Variants in C12orf42 observed in about 807,000 individuals in gnomAD.
The protein encoded by C12orf42 is uncharacterized protein C12orf42.
Under a neutral mutation model 21.6 loss-of-function variants are expected in C12orf42, and 25 were observed. That is an observed-to-expected ratio of 1.16 (90% CI 0.84 to 1.62). C12orf42 has a LOEUF of 1.62. Among genes scored for constraint, C12orf42 ranks in the 40% most tolerant of loss-of-function variants. The probability of loss-of-function intolerance (pLI) is 0.00; values close to 1 mark genes in which losing one functional copy is unlikely to be tolerated. For synonymous variants in C12orf42, 174 were observed against 175.0 expected (o/e 0.99, Z 0.05); for missense variants, 483 against 459.3 (o/e 1.05, Z -0.47).
At chr12:103,525,343 A>G in the C12orf42 span, among the ~76,000 whole-genome samples, 1 of 151,446 alleles carries the variant, frequency 6.6e-6, no homozygotes, top group Admixed American at 6.6e-5. Context: ...AAATTCTGGA[A>G]TCTTAAAGAA....
chr12:103,340,998 A>G (rs1321254484), intron 4 of C12orf42, among the ~76,000 whole-genome samples: 2 of 151,434 alleles, frequency 1.3e-5, no homozygotes, highest in Non-Finnish European at 2.9e-5. Context: ...CTGTAGTCCC[A>G]GCTACTTGGG....
the C12orf42 span, among the ~76,000 whole-genome samples, chr12:103,510,053 G>A: frequency 2.6e-5 from 4 of 152,194 alleles, no homozygotes; most frequent in African/African-American, 4.8e-5. Context: ...ATATTTGCAC[G>A]TGCAGGTTTA....
rs77379490 is a variant in C12orf42, at chr12:103,291,425, C to G, written n.338-14215G>C. Among the ~76,000 whole-genome samples, 1,676 of 152,296 alleles carry G rather than the reference C, an allele frequency of 0.011. 87 individuals carry two copies. The East Asian group carries it at 0.18, about 16-fold the overall frequency. On this transcript the variant is annotated intron_variant and non_coding_transcript_variant, in intron 4 of 6. Transcript: ENST00000546526. ...CTTCATGCAGCAAAGAATTCAAGAACAAGCTGACAGAGTAGCGAAAGCAAA... is the reference window on the plus strand; with the variant it reads ...CTTCATGCAGCAAAGAATTCAAGAAGAAGCTGACAGAGTAGCGAAAGCAAA...
chr12:103,152,846 AGGGG>A, the C12orf42 span, among the ~76,000 whole-genome samples: 86 of 152,292 alleles, frequency 5.6e-4, no homozygotes, highest in African/African-American at 1.9e-3. Context: ...ATTTAAATAA[AGGGG>A]ATCTAAACAA....
At chr12:103,103,947 C>T in the C12orf42 span, among the ~76,000 whole-genome samples, 5 of 152,128 alleles carry the variant, frequency 3.3e-5, no homozygotes, top group Non-Finnish European at 5.9e-5. Context: ...ATTACAGGCA[C>T]GTGCCACCAC....
At chr12:103,449,080 A>ATGAT (rs1186191538) in intron 2 of C12orf42, among the ~76,000 whole-genome samples, 13 of 141,484 alleles carry the variant, frequency 9.2e-5, no homozygotes, top group Admixed American at 2.9e-4. Flanking sequence ...TAAAGAAAAT[A>ATGAT]TGATAGATAG....
At chr12:103,541,371 G>A in the C12orf42 span, among the ~76,000 whole-genome samples, 2 of 152,066 alleles carry the variant, frequency 1.3e-5, no homozygotes, top group African/African-American at 4.8e-5. Flanking sequence ...TTGGTCAATG[G>A]TAGGATGCAT....
the C12orf42 span, among the ~76,000 whole-genome samples, chr12:103,172,162 A>G: frequency 3.9e-5 from 6 of 152,062 alleles, no homozygotes; most frequent in African/African-American, 1.4e-4. Flanking sequence ...GCCTAAATTC[A>G]TGAATAAGAC....
chr12:103,452,706 A>G (rs1592876895), intron 2 of C12orf42, among the ~76,000 whole-genome samples: 1 of 152,148 alleles, frequency 6.6e-6, no homozygotes, highest in Non-Finnish European at 1.5e-5. Context: ...ATAAAAAAGG[A>G]TGAGTTCATG....
chr12:103,361,573 G>A (rs2044110874), intron 4 of C12orf42, among the ~76,000 whole-genome samples: 1 of 151,986 alleles, frequency 6.6e-6, no homozygotes, highest in South Asian at 2.1e-4. Context: ...GCAGGGAGGT[G>A]CAAAAGCCCT....
chr12:103,128,498 T>C, the C12orf42 span, among the ~76,000 whole-genome samples: 1 of 152,226 alleles, frequency 6.6e-6, no homozygotes, highest in South Asian at 2.1e-4. Flanking sequence ...ATTTTTGATT[T>C]AGCAAACTCA....
chr12:103,473,608 C>G (rs1953795791), intron 2 of C12orf42, among the ~76,000 whole-genome samples: 2 of 152,322 alleles, frequency 1.3e-5, no homozygotes, highest in Middle Eastern at 3.4e-3. Context: ...TTCTATAGTA[C>G]AGGCATCAGC....
rs530751068 is a variant in C12orf42, at chr12:103,455,246, G to T, written c.78+23103C>A. On this transcript the variant is annotated intron_variant, in intron 2 of 5. Transcript: ENST00000548883. ...TATTCAAGATGATGCTGCAACTGAG[G>T]ATGTGCTGCAATCTCCCACGCTTTC... is the stretch of plus-strand genomic sequence containing the variant. Among the ~76,000 whole-genome samples, 8 of 152,230 alleles carry T rather than the reference G, an allele frequency of 5.3e-5. No individual in the cohort carries two copies. The East Asian group carries it at 1.5e-3, about 29-fold the overall frequency.
intron 10 of C12orf42, among the ~76,000 whole-genome samples, chr12:103,251,768 C>T (rs1424098075): frequency 1.3e-5 from 2 of 152,150 alleles, no homozygotes; most frequent in Non-Finnish European, 2.9e-5. Flanking sequence ...TTAATCTTCA[C>T]AACTGCTACA....
chr12:103,165,706 C>T, the C12orf42 span, among the ~76,000 whole-genome samples: 3 of 152,138 alleles, frequency 2.0e-5, no homozygotes, highest in African/African-American at 7.2e-5. Flanking sequence ...AAATCACTGC[C>T]CTTAAGAAGC....
the C12orf42 span, among the ~76,000 whole-genome samples, chr12:103,067,577 G>T: frequency 1.3e-5 from 2 of 152,158 alleles, no homozygotes; most frequent in Non-Finnish European, 2.9e-5. Flanking sequence ...GCCCAGGAAT[G>T]AAGGGGTAGA....
At chr12:103,108,051 TTTA>T in the C12orf42 span, among the ~76,000 whole-genome samples, 3 of 151,464 alleles carry the variant, frequency 2.0e-5, no homozygotes, top group Admixed American at 6.6e-5. Context: ...CATGAGCAGA[TTTA>T]TTTTTAATCA....
At chr12:103,449,793 C>T (rs1951821567) in intron 2 of C12orf42, among the ~76,000 whole-genome samples, 2 of 148,698 alleles carry the variant, frequency 1.3e-5, no homozygotes, top group Admixed American at 6.7e-5. Context: ...GAATTTTTTT[C>T]TAGTTCCATT....
intron 2 of C12orf42, among the ~76,000 whole-genome samples, chr12:103,430,715 A>G (rs1235933606): frequency 1.3e-5 from 2 of 152,226 alleles, no homozygotes; most frequent in African/African-American, 4.8e-5. Flanking sequence ...AACCAACCCA[A>G]ATACCCATCA....
Sources: gnomAD v4.1 joint callset for allele counts (sites outside exome capture counted in the v4.1 genomes callset) on GRCh38, gnomAD v4.1.1 for gene constraint, MANE v1.5 for transcripts, NCBI Gene and HGNC (gene_info 2026-07-23, HGNC 2026-07-21) for gene names.